Variants in ING3 observed in about 807,000 individuals in gnomAD.
ING3 encodes inhibitor of growth family member 3, also known as inhibitor of growth protein 3.
A neutral mutation model predicts 64.8 loss-of-function variants in ING3; 6 were observed. The ratio of observed to expected loss-of-function variants is 0.09; its 90% CI spans 0.05 to 0.18. The LOEUF is 0.18. Ranked by LOEUF, ING3 falls within the 10% of genes least tolerant of loss-of-function variation. ING3 has a pLI of 1.00. For synonymous variants in ING3, 170 were observed against 173.7 expected (o/e 0.98, Z 0.17); for missense variants, 310 against 489.7 (o/e 0.63, Z 3.46).
chr7:120,957,817 T>C (rs1366856334), intron 4 of ING3, among the ~76,000 whole-genome samples: 2 of 152,212 alleles, frequency 1.3e-5, no homozygotes, highest in Non-Finnish European at 2.9e-5. Context: ...AATGGATCCA[T>C]GCAGATGTGA....
intron 4 of ING3, chr7:120,955,860 T>A: frequency 1.8e-6 from 1 of 570,834 alleles, no homozygotes; most frequent in Admixed American, 3.4e-5. Context: ...GGCGGTAAGG[T>A]GGTTTCTGAT....
Position 120,953,510 on chromosome 7 carries a change from C to T in ING3, c.201+106C>T, listed in dbSNP as rs1003654288. On this transcript the variant is annotated intron_variant, in intron 3 of 11. Transcript: ENST00000315870. ...GGATATCAAAATGAGAGAATATTAT[C>T]AATGACTCCTTAGAATATAAATAAT... 3.3e-4 allele frequency: 219 copies of T among 667,546 alleles called. 1 individual carries two copies. The East Asian group carries it at 6.3e-3, about 19-fold the overall frequency. The allele number at this position is 667,546 out of a possible 1,614,324, so 41.4% of individuals were successfully genotyped here.
chr7:120,969,771 G>T (rs1248457899), intron 9 of ING3, among the ~76,000 whole-genome samples: 1 of 152,086 alleles, frequency 6.6e-6, no homozygotes, highest in Non-Finnish European at 1.5e-5. Context: ...TATGCTGGGT[G>T]TTTATACATA....
chr7:120,964,818 T>G lies in ING3; in HGVS notation c.344T>G (p.Ile115Ser), dbSNP rs773755720. The change falls in exon 5 of 12, where the codon ATT becomes AGT. Residue 115 changes from isoleucine to serine, a missense_variant. Ile to Ser is a moderately radical substitution (Grantham distance 142). Coordinates refer to ENST00000315870, the MANE Select transcript of ING3 (RefSeq NM_019071.3). ...GAGCTGGAAGCTGATAATGCTGGAATTACAGAAATATTAGAGAGGCGTAAG... is the reference window on the plus strand; with the variant it reads ...GAGCTGGAAGCTGATAATGCTGGAAGTACAGAAATATTAGAGAGGCGTAAG... ...KMELEADNAG[I>S]TEILERRSLE... The G allele has an allele frequency of 6.2e-7, 1 of 1,613,232 alleles. No homozygotes were observed. The highest frequency in any genetic ancestry group is 1.1e-5 in the South Asian group (1 of 91,058).
chr7:120,953,881 T>C (rs1393568666), intron 3 of ING3, among the ~76,000 whole-genome samples: 3 of 152,166 alleles, frequency 2.0e-5, no homozygotes, highest in Non-Finnish European at 2.9e-5. Flanking sequence ...TCTGGAAACA[T>C]AGAATTCTTT....
rs80226498 is a variant in ING3, at chr7:120,958,544, C to T, written c.267+2920C>T. The stretch of plus-strand genomic sequence containing the variant: ...ATTGCCCTGCCTCTGATACTTCTTG[C>T]GTCTACACTTCCTCCTATTTTATCA... On this transcript the variant is annotated intron_variant, in intron 4 of 11. Transcript: ENST00000315870. Among the ~76,000 whole-genome samples, 170 of 152,292 alleles carry T rather than the reference C, an allele frequency of 1.1e-3. 6 individuals carry two copies. In the East Asian group the frequency reaches 0.029, roughly 26 times the overall value.
chr7:120,951,046 A>T (rs1795753733), intron 1 of ING3, 118 bp from the exon 2 acceptor site: 1 of 1,510,104 alleles, frequency 6.6e-7, no homozygotes, highest in South Asian at 1.1e-5. Context: ...TCTCACGGTA[A>T]CTGGCAGCCT....
chr7:120,957,372 A>T (rs1351707927), intron 4 of ING3, among the ~76,000 whole-genome samples: 1 of 140,840 alleles, frequency 7.1e-6, no homozygotes, highest in Non-Finnish European at 1.6e-5. Flanking sequence ...ACTCTGTCTT[A>T]AAAAAAAAAA....
At chr7:120,973,150 T>C (rs775878844) in intron 10 of ING3, 55 bp from the exon 11 acceptor site, 126 of 901,982 alleles carry the variant, frequency 1.4e-4, no homozygotes, top group Non-Finnish European at 2.2e-4. Context: ...AGTTAATTGG[T>C]ATCTAGGTGT....
intron 2 of ING3, among the ~76,000 whole-genome samples, chr7:120,952,386 A>G (rs1207615621): frequency 2.6e-5 from 4 of 152,244 alleles, no homozygotes; most frequent in Non-Finnish European, 5.9e-5. Context: ...TAGAATTTCT[A>G]GTATCTGATA....
At chr7:120,962,301 T>G (rs1795942854) in intron 4 of ING3, among the ~76,000 whole-genome samples, 1 of 152,036 alleles carries the variant, frequency 6.6e-6, no homozygotes, top group Admixed American at 6.6e-5. Flanking sequence ...CTTTTACATA[T>G]GAGGAAGTAA....
At chr7:120,957,233 C>G (rs1795862336) in intron 4 of ING3, among the ~76,000 whole-genome samples, 1 of 151,892 alleles carries the variant, frequency 6.6e-6, no homozygotes, top group African/African-American at 2.4e-5. Context: ...TTAGCCGGGC[C>G]TGGTGGCGGG....
At position 120,964,747 on chromosome 7, in the gene ING3, T is replaced by C; in HGVS notation, c.273T>C (p.Asp91=). ...TTTGATCTTCTTTGAAACAGGTAGA[T>C]CGACACTTGAGAAAGCTGGATCAGG... ...QLANQIYDLV[D]RHLRKLDQEL... Residue 91 remains aspartate (D), a synonymous_variant, in exon 5 of 12, where the codon GAT becomes GAC. Coordinates refer to ENST00000315870, the MANE Select transcript of ING3 (RefSeq NM_019071.3). 6.2e-7 allele frequency: 1 copy of C among 1,613,400 alleles called. No individual in the cohort carries two copies. Among genetic ancestry groups the C allele is most frequent in the South Asian group, 1.1e-5 (1 of 91,062 alleles).
Position 120,952,711 on chromosome 7 carries a change from A to G in ING3, c.101-593A>G, listed in dbSNP as rs1584986086. Among the ~76,000 whole-genome samples the G allele has an allele frequency of 2.0e-5, 3 of 152,030 alleles. No individual in the cohort carries two copies. In the East Asian group the frequency reaches 5.8e-4, roughly 29 times the overall value. On this transcript the variant is annotated intron_variant, in intron 2 of 11. Coordinates refer to ENST00000315870, the MANE Select transcript of ING3 (RefSeq NM_019071.3). Reference sequence around the variant, plus strand: ...TCTCCAAAAGAAGTATATTATGAAAAGATTTTTCTCAACTTACATAACAAC... The same window carrying G: ...TCTCCAAAAGAAGTATATTATGAAAGGATTTTTCTCAACTTACATAACAAC...
At chr7:120,955,190 C>G (rs536868830) in intron 3 of ING3, among the ~76,000 whole-genome samples, 3 of 152,240 alleles carry the variant, frequency 2.0e-5, no homozygotes, top group Admixed American at 2.0e-4. Flanking sequence ...AGTGCAGTGG[C>G]CCAATCTCGG....
intron 4 of ING3, among the ~76,000 whole-genome samples, chr7:120,963,307 A>G (rs1214203148): frequency 6.6e-6 from 1 of 152,136 alleles, no homozygotes; most frequent in Non-Finnish European, 1.5e-5. Context: ...GTAAAGGTAG[A>G]AGGAAAACTG....
intron 2 of ING3, among the ~76,000 whole-genome samples, chr7:120,952,874 T>C (rs934099669): frequency 6.6e-6 from 1 of 152,148 alleles, no homozygotes; most frequent in Non-Finnish European, 1.5e-5. Flanking sequence ...AGTTGGGATA[T>C]GACATGATGA....
At chr7:120,962,740 T>G (rs1013956144) in intron 4 of ING3, among the ~76,000 whole-genome samples, 1 of 152,098 alleles carries the variant, frequency 6.6e-6, no homozygotes, top group Admixed American at 6.6e-5. Flanking sequence ...CTTTTTTCCT[T>G]CTATTTGAAT....
chr7:120,969,112 A>T lies in ING3; in HGVS notation c.816A>T (p.Thr272=). The T allele has an allele frequency of 6.2e-7, 1 of 1,614,002 alleles. No individual in the cohort carries two copies. The change falls in exon 9 of 12, where the codon ACA becomes ACT. Residue 272 remains threonine (T), a synonymous_variant. Coordinates refer to ENST00000315870, the MANE Select transcript of ING3 (RefSeq NM_019071.3). ...AAGAATTTTCAATGGCCAGGGAAAC[A>T]GTTGGCTATTCATCATCTTCGGCAC... The part of the protein sequence containing the change: ...LGKEFSMARE[T]VGYSSSSALM...
Sources: gnomAD v4.1 joint callset for allele counts (sites outside exome capture counted in the v4.1 genomes callset) on GRCh38, gnomAD v4.1.1 for gene constraint, MANE v1.5 for transcripts, NCBI Gene and HGNC (gene_info 2026-07-23, HGNC 2026-07-21) for gene names.